The following TTC6 variants were observed in gnomAD, a reference collection of about 807,000 sequenced individuals.
TTC6 encodes the protein tetratricopeptide repeat protein 6.
Under a neutral mutation model 210.4 loss-of-function variants are expected in TTC6, and 172 were observed. That is an observed-to-expected ratio of 0.82 (90% CI 0.72 to 0.93). The LOEUF is 0.93. TTC6 is among the 40% of genes least tolerant of loss of function. The pLI is 0.00. For missense variants in TTC6, 2,414 were observed against 2,318.1 expected (o/e 1.04, Z -0.85); for synonymous variants, 804 against 819.6 (o/e 0.98, Z 0.32).
chr14:37,698,404 G>GCCAC (rs2095818670), intron 4 of TTC6, among the ~76,000 whole-genome samples: 1 of 152,180 alleles, frequency 6.6e-6, no homozygotes, highest in African/African-American at 2.4e-5. Flanking sequence ...ATAAAAATCA[G>GCCAC]TAATGTAATC....
chr14:37,612,985 C>T (rs1012435588), intron 2 of TTC6, among the ~76,000 whole-genome samples: 3 of 152,076 alleles, frequency 2.0e-5, no homozygotes, highest in Admixed American at 2.0e-4. Flanking sequence ...CTTTACCTTG[C>T]CATATTGCAA....
rs1329612748 is a variant in TTC6 at position 37,668,141 on chromosome 14, A to T, written c.940-12010A>T. 2.0e-5 allele frequency among the ~76,000 whole-genome samples: 3 copies of T among 150,258 alleles called. 1 individual carries two copies. Among genetic ancestry groups the T allele is most frequent in the Non-Finnish European group, 3.0e-5 (2 of 66,950 alleles). On this transcript the variant is annotated intron_variant, in intron 1 of 30. Coordinates refer to ENST00000553443, the Ensembl canonical transcript of TTC6. The stretch of plus-strand genomic sequence containing the variant: ...CAGTGTGAGACTTCATCTAAAAAAA[A>T]AAAAATTTGGCTGGATACCTCCTGA...
intron 1 of TTC6, among the ~76,000 whole-genome samples, chr14:37,663,466 A>C (rs959779768): frequency 6.6e-6 from 1 of 152,216 alleles, no homozygotes; most frequent in Non-Finnish European, 1.5e-5. Context: ...AATGTAATCA[A>C]TCATTGTATT....
intron 1 of TTC6, among the ~76,000 whole-genome samples, chr14:37,634,417 A>G (rs995687347): frequency 1.3e-5 from 2 of 152,214 alleles, no homozygotes; most frequent in African/African-American, 2.4e-5. Flanking sequence ...GAACAATACA[A>G]TATACTTGAG....
chr14:37,661,927 CA>C (rs1407787506), intron 1 of TTC6, among the ~76,000 whole-genome samples: 2 of 152,074 alleles, frequency 1.3e-5, no homozygotes, highest in African/African-American at 4.8e-5. Flanking sequence ...CTCTTTGTAG[CA>C]ATTGTGAATG....
chr14:37,694,161 T>G (rs2095809966), intron 3 of TTC6, among the ~76,000 whole-genome samples: 1 of 151,962 alleles, frequency 6.6e-6, no homozygotes, highest in Admixed American at 6.6e-5. Flanking sequence ...ATCAGTAAAG[T>G]GAAGAGACAA....
At chr14:37,639,778 C>T (rs1172337251) in intron 1 of TTC6, among the ~76,000 whole-genome samples, 3 of 147,328 alleles carry the variant, frequency 2.0e-5, no homozygotes, top group Admixed American at 1.4e-4. Flanking sequence ...CCAAGCTACT[C>T]GGGAGGTTGA....
intron 6 of TTC6, among the ~76,000 whole-genome samples, chr14:37,722,921 A>G (rs1413978823): frequency 6.6e-6 from 1 of 152,136 alleles, no homozygotes; most frequent in Non-Finnish European, 1.5e-5. Context: ...AGTGTCTACA[A>G]AAATTTATTA....
At chr14:37,737,803 AT>A (rs11439106) in intron 9 of TTC6, 69 bp downstream of exon 11, 112 of 604,456 alleles carry the variant, frequency 1.9e-4, no homozygotes, top group Admixed American at 1.1e-3. Context: ...TAATCACCTT[AT>A]TTTTTTTTAA....
intron 1 of TTC6, among the ~76,000 whole-genome samples, chr14:37,670,377 A>T (rs755132558): frequency 6.6e-6 from 1 of 151,320 alleles, no homozygotes; most frequent in Non-Finnish European, 1.5e-5. Context: ...TGGGATAATT[A>T]TGTGGGACAA....
chr14:37,827,505 C>A, intron 29 of TTC6, 139 bp downstream of exon 31: 1 of 792,586 alleles, frequency 1.3e-6, no homozygotes, highest in Non-Finnish European at 1.9e-6. Context: ...TGTTATCTTT[C>A]ATAAGAATGT....
exon 11 of TTC6, chr14:37,749,358 G>A: frequency 6.8e-7 from 1 of 1,465,628 alleles, no homozygotes. Flanking sequence ...GCTATTTATA[G>A]GAAACTGGGA....
In TTC6 at chr14:37,693,376, A is replaced by G. The variant is rs111407056; in HGVS notation, c.1258-3341A>G. ...TGATGAAAGCAATTGAAGAGGACCAAAAAATGGAAAGATATTCCATGTTCA... is the reference window on the plus strand; with the variant it reads ...TGATGAAAGCAATTGAAGAGGACCAGAAAATGGAAAGATATTCCATGTTCA... On this transcript the variant is annotated intron_variant, in intron 3 of 30. Coordinates refer to ENST00000553443, the Ensembl canonical transcript of TTC6. Among the ~76,000 whole-genome samples the G allele has an allele frequency of 1.3e-5, 2 of 152,310 alleles. 1 individual carries two copies. Among genetic ancestry groups the G allele is most frequent in the African/African-American group, 4.8e-5 (2 of 41,582 alleles).
intron 1 of TTC6, among the ~76,000 whole-genome samples, chr14:37,662,567 C>T (rs1319620504): frequency 1.3e-5 from 2 of 152,118 alleles, no homozygotes; most frequent in Non-Finnish European, 2.9e-5. Flanking sequence ...TTTACTCTGT[C>T]TTGAATTGAT....
chr14:37,823,686 G>T, intron 26 of TTC6, 61 bp from the exon 29 acceptor site: 2 of 1,433,538 alleles, frequency 1.4e-6, no homozygotes, highest in East Asian at 2.3e-5. Context: ...GGAAAACATT[G>T]TATATGTCAC....
At chr14:37,630,691 C>G (rs1320557643) in intron 1 of TTC6, among the ~76,000 whole-genome samples, 1 of 151,936 alleles carries the variant, frequency 6.6e-6, no homozygotes, top group Non-Finnish European at 1.5e-5. Context: ...GTTAAATTCT[C>G]CCACTATTAT....
At chr14:37,779,458 T>A (rs2096048062) in intron 14 of TTC6, among the ~76,000 whole-genome samples, 1 of 152,210 alleles carries the variant, frequency 6.6e-6, no homozygotes, top group Non-Finnish European at 1.5e-5. Flanking sequence ...GTACTGCATT[T>A]TCTTTGTCTT....
At chr14:37,700,475 G>T (rs1302123271) in intron 4 of TTC6, among the ~76,000 whole-genome samples, 2 of 152,104 alleles carry the variant, frequency 1.3e-5, no homozygotes, top group Admixed American at 1.3e-4. Context: ...AGGCGCAGTG[G>T]CTCACGCCTG....
At chr14:37,797,041 A>G in intron 20 of TTC6, 94 bp downstream of exon 22, 1 of 1,147,546 alleles carries the variant, frequency 8.7e-7, no homozygotes, top group East Asian at 3.1e-5. Context: ...CACAAAATTA[A>G]GTCATACTAT....
Sources: gnomAD v4.1 joint callset for allele counts (sites outside exome capture counted in the v4.1 genomes callset) on GRCh38, gnomAD v4.1.1 for gene constraint, MANE v1.5 for transcripts, NCBI Gene and HGNC (gene_info 2026-07-23, HGNC 2026-07-21) for gene names.